CDH12: variants seen among roughly 807,000 people sequenced by gnomAD.
The protein encoded by CDH12 is cadherin-12.
CDH12 carries 41 observed loss-of-function variants against 74.1 expected under a neutral mutation model. The observed-to-expected ratio is 0.55, with a 90% CI of 0.43 to 0.72. The LOEUF (loss-of-function observed/expected upper bound fraction) is 0.72. CDH12 is among the 30% of genes least tolerant of loss of function. The pLI, the probability that CDH12 is intolerant of heterozygous loss-of-function variation, is 0.00. For missense variants in CDH12, 945 were observed against 977.2 expected (o/e 0.97, Z 0.44); for synonymous variants, 399 against 355.0 (o/e 1.12, Z -1.39).
chr5:22,401,087 C>T lies in CDH12; in HGVS notation c.-333+4170G>A, dbSNP rs139791526. Among the ~76,000 whole-genome samples the T allele has an allele frequency of 1.1e-4, 17 of 152,220 alleles. 1 individual carries two copies. The East Asian group carries it at 3.3e-3, about 29-fold the overall frequency. ...TGCATTCTTCGTTATTTTAGTCAATCCTAATCATAACTGTTTGCCAATCTA... is the reference window on the plus strand; with the variant it reads ...TGCATTCTTCGTTATTTTAGTCAATTCTAATCATAACTGTTTGCCAATCTA... On this transcript the variant is annotated intron_variant, in intron 3 of 14. Coordinates refer to ENST00000382254, the MANE Select transcript of CDH12 (RefSeq NM_004061.5).
chr5:22,770,654 T>C (rs1746758392), intron 1 of CDH12, among the ~76,000 whole-genome samples: 1 of 152,182 alleles, frequency 6.6e-6, no homozygotes, highest in African/African-American at 2.4e-5. Context: ...ATTAATAATA[T>C]GGTAGCAGCT....
At chr5:22,753,443 A>G (rs969672099) in intron 1 of CDH12, among the ~76,000 whole-genome samples, 7 of 150,340 alleles carry the variant, frequency 4.7e-5, no homozygotes, top group African/African-American at 1.7e-4. Flanking sequence ...TCAGAAGAAA[A>G]AAAAAAAAGG....
intron 1 of CDH12, among the ~76,000 whole-genome samples, chr5:22,799,392 G>A (rs1748396072): frequency 6.6e-6 from 1 of 152,136 alleles, no homozygotes. Context: ...GGTTGGTGAT[G>A]TAAATAAATT....
At chr5:22,389,483 A>G (rs574993373) in intron 3 of CDH12, among the ~76,000 whole-genome samples, 1 of 152,258 alleles carries the variant, frequency 6.6e-6, no homozygotes, top group South Asian at 2.1e-4. Flanking sequence ...TTGAAGAGTA[A>G]GAAGTCTTTA....
chr5:22,733,646 C>T (rs1329773716), intron 1 of CDH12, among the ~76,000 whole-genome samples: 1 of 151,622 alleles, frequency 6.6e-6, no homozygotes, highest in African/African-American at 2.4e-5. Flanking sequence ...CCTCATAAGC[C>T]CAAGTCCGTG....
At chr5:21,864,461 T>TGAA (rs1299431810) in intron 6 of CDH12, among the ~76,000 whole-genome samples, 2 of 152,156 alleles carry the variant, frequency 1.3e-5, no homozygotes, top group Admixed American at 1.3e-4. Flanking sequence ...CTTGCCCTTC[T>TGAA]ACCTTCCCTC....
chr5:22,410,947 T>C (rs1561382790), intron 2 of CDH12, among the ~76,000 whole-genome samples: 1 of 151,762 alleles, frequency 6.6e-6, no homozygotes, highest in Non-Finnish European at 1.5e-5. Context: ...AACAATGAAA[T>C]AGATTTTTAA....
At chr5:22,151,002 G>T (rs1306622394) in intron 4 of CDH12, among the ~76,000 whole-genome samples, 1 of 152,130 alleles carries the variant, frequency 6.6e-6, no homozygotes, top group Non-Finnish European at 1.5e-5. Flanking sequence ...AAAAAGAATT[G>T]TTTAGTTAAG....
chr5:22,451,290 A>G (rs1745033185), intron 2 of CDH12, among the ~76,000 whole-genome samples: 1 of 151,908 alleles, frequency 6.6e-6, no homozygotes, highest in African/African-American at 2.4e-5. Context: ...TTTAAGTTCT[A>G]TCTAATTAAA....
At position 21,771,878 on chromosome 5, in the gene CDH12, G is replaced by A. The variant is rs189773798; in HGVS notation, c.1394-6779C>T. ...TCCTTTTAGGGCCTAGCTATCTGTC[G>A]TGTCATGTGATGTCACTAGAGTCAG... is the stretch of plus-strand genomic sequence containing the variant. On this transcript the variant is annotated intron_variant, in intron 11 of 14. Transcript: ENST00000382254. 6.2e-4 allele frequency among the ~76,000 whole-genome samples: 94 copies of A among 152,254 alleles called. 2 individuals are homozygous for A. Among genetic ancestry groups the A allele is most frequent in the Admixed American group, 1.2e-3 (19 of 15,282 alleles).
intron 1 of CDH12, among the ~76,000 whole-genome samples, chr5:22,739,142 T>C (rs1744886825): frequency 6.6e-6 from 1 of 152,026 alleles, no homozygotes; most frequent in Non-Finnish European, 1.5e-5. Context: ...TCATGTTAAT[T>C]TGGTTTCAAT....
rs557162426 is a variant in CDH12, at chr5:21,837,518, G to T, written c.814+4643C>A. 2.0e-5 allele frequency among the ~76,000 whole-genome samples: 3 copies of T among 149,602 alleles called. No homozygotes were observed. The East Asian group carries it at 5.9e-4, about 30-fold the overall frequency. On this transcript the variant is annotated intron_variant, in intron 8 of 14. Transcript: ENST00000382254. ...TGCTTAAGAGTCACGAACAAATATA[G>T]TTAGTTGTGGGAAATTCTTTCTTAT...
intron 1 of CDH12, among the ~76,000 whole-genome samples, chr5:22,803,008 TA>T (rs1425180710): frequency 2.0e-5 from 3 of 152,126 alleles, no homozygotes; most frequent in African/African-American, 7.2e-5. Context: ...ACCAAGCCTC[TA>T]GGTTACAAAG....
intron 5 of CDH12, among the ~76,000 whole-genome samples, chr5:22,043,588 C>G (rs1257570636): frequency 1.3e-5 from 2 of 151,844 alleles, no homozygotes; most frequent in African/African-American, 4.8e-5. Flanking sequence ...GAAGTCCTAG[C>G]CAGAGGATTT....
At chr5:22,548,429 C>T (rs549057836) in intron 1 of CDH12, among the ~76,000 whole-genome samples, 25 of 152,138 alleles carry the variant, frequency 1.6e-4, no homozygotes, top group Non-Finnish European at 2.8e-4. Flanking sequence ...CCTAGAAATA[C>T]AATAAAAACA....
intron 1 of CDH12, among the ~76,000 whole-genome samples, chr5:22,584,912 C>A (rs1181890074): frequency 6.6e-6 from 1 of 152,074 alleles, no homozygotes; most frequent in African/African-American, 2.4e-5. Flanking sequence ...TTTTGCCTTA[C>A]AAGATACTGC....
At chr5:22,181,021 T>C (rs182104403) in intron 4 of CDH12, among the ~76,000 whole-genome samples, 39 of 152,212 alleles carry the variant, frequency 2.6e-4, no homozygotes, top group African/African-American at 9.4e-4. Context: ...GCAAACCCCT[T>C]CACATTACTT....
intron 1 of CDH12, among the ~76,000 whole-genome samples, chr5:22,754,408 A>G (rs1745771692): frequency 6.6e-6 from 1 of 152,184 alleles, no homozygotes; most frequent in South Asian, 2.1e-4. Context: ...GAACAGGCAG[A>G]TGGAAAACAG....
chr5:22,779,492 A>T (rs1404756105), intron 1 of CDH12, among the ~76,000 whole-genome samples: 5 of 152,190 alleles, frequency 3.3e-5, no homozygotes, highest in Admixed American at 3.3e-4. Context: ...CACAAAACTT[A>T]AAACAATAAC....
Sources: gnomAD v4.1 joint callset for allele counts (sites outside exome capture counted in the v4.1 genomes callset) on GRCh38, gnomAD v4.1.1 for gene constraint, MANE v1.5 for transcripts, NCBI Gene and HGNC (gene_info 2026-07-23, HGNC 2026-07-21) for gene names.